ITPKB: variants seen among roughly 807,000 people sequenced by gnomAD.
ITPKB encodes the protein inositol-trisphosphate 3-kinase B.
In ITPKB, 13 loss-of-function variants were observed where a neutral mutation model predicts 69.4. That is an observed-to-expected ratio of 0.19 (90% CI 0.12 to 0.30). The LOEUF (loss-of-function observed/expected upper bound fraction) is 0.30, where lower values mean the gene tolerates loss of function less well. ITPKB is among the 10% of genes least tolerant of loss of function. ITPKB has a pLI of 1.00. For missense variants in ITPKB, 1,240 were observed against 1,250.5 expected (o/e 0.99, Z 0.13); for synonymous variants, 584 against 513.7 (o/e 1.14, Z -1.85).
chr1:226,691,071 G>A (rs1028625655), intron 2 of ITPKB, among the ~76,000 whole-genome samples: 1 of 152,178 alleles, frequency 6.6e-6, no homozygotes, highest in African/African-American at 2.4e-5. Flanking sequence ...GGAGAGAGGG[G>A]AGAGGGATTA....
intron 2 of ITPKB, among the ~76,000 whole-genome samples, chr1:226,666,312 C>A (rs1669502015): frequency 6.6e-6 from 1 of 152,154 alleles, no homozygotes; most frequent in Non-Finnish European, 1.5e-5. Flanking sequence ...TCCCATCAAG[C>A]CAGAGGCGCT....
rs6667260 is a variant in ITPKB at position 226,736,237 on chromosome 1, A to T, written c.1222T>A (p.Ser408Thr). 1 of 1,545,104 alleles carries T rather than the reference A, an allele frequency of 6.5e-7. No individual in the cohort carries two copies. Among genetic ancestry groups the T allele is most frequent in the Non-Finnish European group, 8.7e-7 (1 of 1,148,260 alleles). ...VSVQSAESSDSLSWSRLPRAL... is the reference protein window; with the variant it reads ...VSVQSAESSDTLSWSRLPRAL... Reference sequence around the variant, plus strand: ...CTGGGCAGCCTGGACCAGCTCAGGGAATCAGAGGACTCTGCGCTTTGCACG... The same window carrying T: ...CTGGGCAGCCTGGACCAGCTCAGGGTATCAGAGGACTCTGCGCTTTGCACG... Residue 408 changes from serine (S) to threonine (T), a missense_variant, in exon 2 of 8, where the codon TCC becomes ACC. Around this residue, in one of 2 missense-constraint regions of ITPKB, gnomAD observed 992 missense variants for 853.8 expected, o/e 1.16. Coordinates refer to ENST00000429204, the MANE Select transcript of ITPKB (RefSeq NM_002221.4).
rs946639967 is a variant in ITPKB, at chr1:226,711,436, A to T, written c.1932+24091T>A. Among the ~76,000 whole-genome samples, 34 of 132,336 alleles carry T rather than the reference A, an allele frequency of 2.6e-4. 1 individual carries two copies. The highest frequency in any genetic ancestry group is 8.6e-4 in the African/African-American group (31 of 35,978). 86.8% of individuals were successfully genotyped at this position (132,336 alleles called of 152,430 possible). A position where few individuals can be genotyped will look rare whatever the true frequency, so the allele number is the denominator to read the frequency against. On this transcript the variant is annotated intron_variant, in intron 2 of 7. Transcript: ENST00000429204. ...GAGAGAGAGAGAGAGAGAGAGAGAG[A>T]GAGAGAGTGTGTGTGTGTGTGTGTG...
intron 2 of ITPKB, among the ~76,000 whole-genome samples, chr1:226,696,226 A>T (rs1372473141): frequency 6.6e-6 from 1 of 152,194 alleles, no homozygotes; most frequent in Non-Finnish European, 1.5e-5. Context: ...TGAAATGGGG[A>T]TAATAATATC....
chr1:226,651,241 A>C (rs955284022), intron 2 of ITPKB, among the ~76,000 whole-genome samples: 5 of 152,228 alleles, frequency 3.3e-5, no homozygotes, highest in Admixed American at 2.0e-4. Context: ...TGGGGGCTGC[A>C]GACAGAGGGA....
At position 226,631,825 on chromosome 1, in the gene ITPKB, G is replaced by GA. The variant is rs1558296752; in HGVS notation, c.*2845_*2846insT. ...CAGGAAGAGAGCCTCTCGGCAGGCGGGGGGGGTCCTCTCCTCCAGAACAAA... is the reference window on the plus strand; with the variant it reads ...CAGGAAGAGAGCCTCTCGGCAGGCGGAGGGGGGTCCTCTCCTCCAGAACAAA... On this transcript the variant is annotated 3_prime_UTR_variant, in exon 8 of 8. Coordinates refer to ENST00000429204, the MANE Select transcript of ITPKB (RefSeq NM_002221.4). 1 of 27,620 alleles carries GA rather than the reference G, an allele frequency of 3.6e-5. No individual in the cohort carries two copies. 1.7% of individuals were successfully genotyped at this position (27,620 alleles called of 1,614,324 possible).
At chr1:226,657,608 CAA>C (rs1172681987) in intron 2 of ITPKB, among the ~76,000 whole-genome samples, 3 of 152,152 alleles carry the variant, frequency 2.0e-5, no homozygotes, top group Admixed American at 2.0e-4. Context: ...TGCGTGTGTG[CAA>C]AGAGATCACG....
At chr1:226,664,255 C>T (rs1469893467) in intron 2 of ITPKB, among the ~76,000 whole-genome samples, 1 of 152,212 alleles carries the variant, frequency 6.6e-6, no homozygotes, top group Non-Finnish European at 1.5e-5. Context: ...TTCTGGGAGT[C>T]CTTCCAGTCA....
chr1:226,703,971 T>C (rs901455201), intron 2 of ITPKB, among the ~76,000 whole-genome samples: 1 of 151,858 alleles, frequency 6.6e-6, no homozygotes, highest in African/African-American at 2.4e-5. Context: ...AAAAAAAAAA[T>C]CTTCATTTCT....
intron 2 of ITPKB, among the ~76,000 whole-genome samples, chr1:226,687,415 C>T (rs1656242150): frequency 6.6e-6 from 1 of 152,172 alleles, no homozygotes; most frequent in South Asian, 2.1e-4. Flanking sequence ...TTGGAGTCTT[C>T]TGTGCCATCT....
chr1:226,720,157 C>G (rs143555888), intron 2 of ITPKB, among the ~76,000 whole-genome samples: 55 of 152,352 alleles, frequency 3.6e-4, no homozygotes, highest in African/African-American at 1.3e-3. Context: ...GTTCCACCTC[C>G]TCAAGTAGAA....
intron 2 of ITPKB, among the ~76,000 whole-genome samples, chr1:226,666,399 G>A (rs1177074152): frequency 6.6e-6 from 1 of 152,156 alleles, no homozygotes; most frequent in Non-Finnish European, 1.5e-5. Flanking sequence ...CCTTACCAAG[G>A]CATCATATGT....
Position 226,737,238 on chromosome 1 carries a change from C to T in ITPKB, c.221G>A (p.Gly74Asp), listed in dbSNP as rs773421011. Residue 74 changes from glycine to aspartate, a missense_variant, in exon 2 of 8, where the codon GGC (glycine) becomes GAC (aspartate). Physicochemically the swap from Gly to Asp is moderately conservative, Grantham distance 94 (BLOSUM62 -1). Coordinates refer to ENST00000429204, the MANE Select transcript of ITPKB (RefSeq NM_002221.4). ...LSPEEPRSPGGWRSGRRRLNS... is the reference protein window; with the variant it reads ...LSPEEPRSPGDWRSGRRRLNS... ...CAGCCTGCGCCGGCCGCTCCGCCAGCCCCCGGGGCTCCGGGGCTCCTCGGG... is the reference window on the plus strand; with the variant it reads ...CAGCCTGCGCCGGCCGCTCCGCCAGTCCCCGGGGCTCCGGGGCTCCTCGGG... The T allele has an allele frequency of 5.1e-6, 8 of 1,559,618 alleles. No individual in the cohort carries two copies. Among genetic ancestry groups the T allele is most frequent in the African/African-American group, 2.7e-5 (2 of 73,776 alleles).
intron 2 of ITPKB, among the ~76,000 whole-genome samples, chr1:226,698,395 G>A (rs1045876040): frequency 6.6e-6 from 1 of 152,224 alleles, no homozygotes; most frequent in Admixed American, 6.5e-5. Context: ...TTAAATCAGA[G>A]TATGGAGGCA....
chr1:226,729,800 GA>G (rs1460123789), intron 2 of ITPKB, among the ~76,000 whole-genome samples: 3 of 151,974 alleles, frequency 2.0e-5, no homozygotes, highest in Non-Finnish European at 1.5e-5. Context: ...TCACCATGTT[GA>G]CTAGGCTGGT....
rs1668744739 is a variant in ITPKB, at chr1:226,632,326, G to A, written c.*2345C>T. The A allele has an allele frequency of 6.6e-6, 1 of 152,244 alleles. No individual in the cohort carries two copies. The highest frequency in any genetic ancestry group is 1.5e-5 in the Non-Finnish European group (1 of 68,074). The allele number at this position is 152,244 out of a possible 1,614,324, so 9.4% of individuals were successfully genotyped here. A position where few individuals can be genotyped will look rare whatever the true frequency, so the allele number is the denominator to read the frequency against. On this transcript the variant is annotated 3_prime_UTR_variant, in exon 8 of 8. Transcript: ENST00000429204. ...CACTGCCAGGACCCAAGGAGTCCCT[G>A]TGGTGACGAGGGCTGGGCAGGCACG...
intron 6 of ITPKB, among the ~76,000 whole-genome samples, chr1:226,638,696 A>G (rs1571833658): frequency 2.0e-5 from 3 of 150,788 alleles, no homozygotes; most frequent in East Asian, 3.9e-4. Flanking sequence ...TACAACCCAC[A>G]CTCCTGGACT....
In ITPKB at chr1:226,736,123, C is replaced by T; in HGVS notation, c.1336G>A (p.Gly446Arg). 1 of 1,591,352 alleles carries T rather than the reference C, an allele frequency of 6.3e-7. No homozygotes were observed. Among genetic ancestry groups the T allele is most frequent in the South Asian group, 1.1e-5 (1 of 88,052 alleles). The change falls in exon 2 of 8, where the codon GGG becomes AGG. Residue 446 changes from glycine to arginine, a missense_variant. Gly to Arg is a moderately radical substitution (Grantham distance 125). Transcript: ENST00000429204. ...CCAAGCAAGCCCAGCGTTGGGGACC[C>T]TCCCTCCACTCTGTCGGAGAGCTGC... Reference protein sequence around the residue: ...RWQLSDRVEGGSPTLGLLGGS... With the variant: ...RWQLSDRVEGRSPTLGLLGGS...
At chr1:226,704,704 CTACT>C (rs1656759709) in intron 2 of ITPKB, among the ~76,000 whole-genome samples, 1 of 152,218 alleles carries the variant, frequency 6.6e-6, no homozygotes, top group Non-Finnish European at 1.5e-5. Flanking sequence ...AGATCATTGG[CTACT>C]TAAACAGTAA....
Sources: allele counts gnomAD v4.1 joint callset (sites outside exome capture counted in the v4.1 genomes callset), GRCh38; gene constraint gnomAD v4.1.1; regional missense constraint gnomAD v4.1.1; transcripts MANE v1.5; gene names NCBI Gene and HGNC (gene_info 2026-07-23, HGNC 2026-07-21).